SFMBT2: variants seen among roughly 807,000 people sequenced by gnomAD.
SFMBT2 encodes the protein scm-like with four MBT domains protein 2.
A neutral mutation model predicts 110.1 loss-of-function variants in SFMBT2; 38 were observed. The ratio of observed to expected loss-of-function variants is 0.35; its 90% confidence interval spans 0.27 to 0.45. SFMBT2 has a LOEUF of 0.45. Among genes scored for constraint, SFMBT2 ranks in the 20% least tolerant of loss-of-function variants. The probability of loss-of-function intolerance (pLI) is 1.00; values close to 1 mark genes in which losing one functional copy is unlikely to be tolerated. For missense variants in SFMBT2, 1,011 were observed against 1,094.9 expected (o/e 0.92, Z 1.08); for synonymous variants, 425 against 425.4 (o/e 1.00, Z 0.01).
chr10:7,343,132 G>T (rs1245843969), intron 4 of SFMBT2, among the ~76,000 whole-genome samples: 1 of 152,018 alleles, frequency 6.6e-6, no homozygotes, highest in African/African-American at 2.4e-5. Context: ...GTGAGAGCAT[G>T]CAGCATCTGG....
intron 8 of SFMBT2, among the ~76,000 whole-genome samples, chr10:7,246,739 AAG>A (rs1840627116): frequency 6.6e-6 from 1 of 150,670 alleles, no homozygotes; most frequent in Non-Finnish European, 1.5e-5. Flanking sequence ...AAAAAAAAAA[AAG>A]AATGGTGAGA....
At chr10:7,219,487 C>T (rs1441231703) in intron 11 of SFMBT2, among the ~76,000 whole-genome samples, 3 of 152,162 alleles carry the variant, frequency 2.0e-5, no homozygotes, top group Admixed American at 6.5e-5. Context: ...TTATTTAAGA[C>T]CTTTGCAGAC....
chr10:7,169,687 C>G (rs1478676903), intron 20 of SFMBT2, among the ~76,000 whole-genome samples: 2 of 152,106 alleles, frequency 1.3e-5, no homozygotes, highest in African/African-American at 4.8e-5. Flanking sequence ...CAGAGTACAG[C>G]AAGAGCCTGG....
At chr10:7,393,477 GT>G (rs1258470272) in intron 1 of SFMBT2, among the ~76,000 whole-genome samples, 1 of 152,068 alleles carries the variant, frequency 6.6e-6, no homozygotes, top group African/African-American at 2.4e-5. Flanking sequence ...TTTAAGGTAG[GT>G]TTGCAAAGGG....
At chr10:7,283,004 G>A (rs1841990439) in intron 6 of SFMBT2, among the ~76,000 whole-genome samples, 1 of 152,138 alleles carries the variant, frequency 6.6e-6, no homozygotes, top group Admixed American at 6.5e-5. Flanking sequence ...GGGGTGGGAG[G>A]GGCCCAGCAC....
intron 6 of SFMBT2, among the ~76,000 whole-genome samples, chr10:7,280,481 T>C (rs1186159948): frequency 6.6e-6 from 1 of 152,346 alleles, no homozygotes; most frequent in Middle Eastern, 3.4e-3. Context: ...AAAAGTTTCA[T>C]CTCCTTAGCA....
intron 4 of SFMBT2, among the ~76,000 whole-genome samples, chr10:7,354,044 G>A (rs556555542): frequency 2.0e-5 from 3 of 149,566 alleles, no homozygotes; most frequent in South Asian, 4.2e-4. Flanking sequence ...CCGAGATCAC[G>A]CTACTGCACT....
chr10:7,216,907 A>G (rs1411934872), intron 11 of SFMBT2, among the ~76,000 whole-genome samples: 1 of 152,156 alleles, frequency 6.6e-6, no homozygotes, highest in Non-Finnish European at 1.5e-5. Context: ...CAGCCCCTCT[A>G]TCAACTAACT....
chr10:7,382,803 T>C (rs1845463285), intron 1 of SFMBT2, among the ~76,000 whole-genome samples: 1 of 152,222 alleles, frequency 6.6e-6, no homozygotes, highest in Non-Finnish European at 1.5e-5. Context: ...AGACAAGACT[T>C]TCCCTACGAT....
intron 9 of SFMBT2, among the ~76,000 whole-genome samples, chr10:7,230,059 A>C (rs58599264): frequency 0.014 from 2,143 of 151,930 alleles, 27 homozygotes; most frequent in African/African-American, 0.047. Flanking sequence ...GGTGACAGTT[A>C]AGCAAAAAAG....
At chr10:7,202,455 G>A (rs373755654) in intron 13 of SFMBT2, 25 bp downstream of exon 13, 10 of 1,613,808 alleles carry the variant, frequency 6.2e-6, no homozygotes, top group African/African-American at 2.7e-5. Flanking sequence ...ATACAGTGTA[G>A]TCTGGAGGGG....
intron 11 of SFMBT2, chr10:7,219,778 T>G (rs1839664970): frequency 1.1e-5 from 3 of 273,766 alleles, no homozygotes; most frequent in Non-Finnish European, 1.7e-5. Flanking sequence ...TTGTAATTAT[T>G]TATCACTGAA....
At position 7,408,918 on chromosome 10, in the gene SFMBT2, C is replaced by G. The variant is rs1846296670; in HGVS notation, c.-52+1943G>C. 6.6e-6 allele frequency among the ~76,000 whole-genome samples: 1 copy of G among 152,180 alleles called. No individual in the cohort carries two copies. The highest frequency in any genetic ancestry group is 1.9e-4 in the East Asian group (1 of 5,174). ...GCCAAGACAAGAAGATGCCCCTCTC[C>G]GATGCGCCGAGAGGGTTCCTAAGCC... is the stretch of plus-strand genomic sequence containing the variant. On this transcript the variant is annotated intron_variant, in intron 1 of 20. Transcript: ENST00000397167. The surrounding 1 kb of genome is among the most constrained non-coding windows in gnomAD (Gnocchi z 5.7).
chr10:7,299,631 G>A (rs989302332), intron 4 of SFMBT2, among the ~76,000 whole-genome samples: 1 of 152,180 alleles, frequency 6.6e-6, no homozygotes, highest in African/African-American at 2.4e-5. Context: ...TTACGCTGTT[G>A]GTGGGAGTGT....
At chr10:7,199,123 C>T (rs1276137110) in intron 14 of SFMBT2, among the ~76,000 whole-genome samples, 1 of 151,994 alleles carries the variant, frequency 6.6e-6, no homozygotes, top group Admixed American at 6.5e-5. Flanking sequence ...GGATCACAGG[C>T]ATGCACCACC....
At chr10:7,194,781 C>G (rs1406393972) in intron 15 of SFMBT2, among the ~76,000 whole-genome samples, 1 of 152,184 alleles carries the variant, frequency 6.6e-6, no homozygotes, top group African/African-American at 2.4e-5. Flanking sequence ...CAGCAAAAAA[C>G]TAGTTTTGTC....
rs535787912 is a variant in SFMBT2 at position 7,172,211 on chromosome 10, G to A, written c.2152-53C>T. ...GGCTGGTGGCCCGGGGGCCTGTAGC[G>A]GTGGCCCCGCGGTCAGACCCTGGGC... On this transcript the variant is annotated intron_variant, in intron 18 of 20. Coordinates refer to ENST00000397167, the MANE Select transcript of SFMBT2 (RefSeq NM_001387889.1). This position sits in a 1 kb window ranked among gnomAD's most constrained non-coding sequence, Gnocchi z 4.6. 17 of 1,509,188 alleles carry A rather than the reference G, an allele frequency of 1.1e-5. No homozygotes were observed. Among genetic ancestry groups the A allele is most frequent in the East Asian group, 2.3e-5 (1 of 43,474 alleles). 93.5% of individuals were successfully genotyped at this position (1,509,188 alleles called of 1,614,324 possible).
rs1366561234 is a variant in SFMBT2 at position 7,340,615 on chromosome 10, C to CA, written c.436+27033dup. Among the ~76,000 whole-genome samples, 11 of 134,792 alleles carry CA rather than the reference C, an allele frequency of 8.2e-5. No homozygotes were observed. In the South Asian group the frequency reaches 2.7e-3, roughly 32 times the overall value. The allele number at this position is 134,792 out of a possible 152,430, so 88.4% of individuals were successfully genotyped here. A position where few individuals can be genotyped will look rare whatever the true frequency, so the allele number is the denominator to read the frequency against. ...CTGCAGTGAGCCATGATGATCCTGC[C>CA]AAAGCACTCCAGCCCGGGCAACAGA... is the stretch of plus-strand genomic sequence containing the variant. On this transcript the variant is annotated intron_variant, in intron 4 of 20. Transcript: ENST00000397167.
intron 15 of SFMBT2, among the ~76,000 whole-genome samples, chr10:7,196,709 C>CA (rs1405392665): frequency 2.0e-5 from 3 of 152,336 alleles, no homozygotes; most frequent in African/African-American, 7.2e-5. Context: ...TTTTAAGAAA[C>CA]ATTCATCATG....
Sources: gnomAD v4.1 joint callset for allele counts (sites outside exome capture counted in the v4.1 genomes callset) on GRCh38, gnomAD v4.1.1 for gene constraint, Gnocchi (gnomAD v3.1) non-coding constraint, MANE v1.5 for transcripts, NCBI Gene and HGNC (gene_info 2026-07-23, HGNC 2026-07-21) for gene names.